The following KHDRBS2 variants were observed in gnomAD, a reference collection of about 807,000 sequenced individuals.
The protein encoded by KHDRBS2 is KH domain-containing, RNA-binding, signal transduction-associated protein 2.
KHDRBS2 carries 26 observed loss-of-function variants against 44.3 expected under a neutral mutation model. That is an observed-to-expected ratio of 0.59 (90% CI 0.43 to 0.81). The LOEUF is 0.81. Ranked by LOEUF, KHDRBS2 falls within the 40% of genes least tolerant of loss-of-function variation. The pLI, the probability that KHDRBS2 is intolerant of heterozygous loss-of-function variation, is 0.00. For synonymous variants in KHDRBS2, 194 were observed against 151.1 expected, an observed-to-expected ratio of 1.28 and a Z score of -2.08; for missense variants, 476 against 433.1, an observed-to-expected ratio of 1.10 and a Z score of -0.88.
chr6:62,022,142 C>T (rs1202995351), intron 3 of KHDRBS2, among the ~76,000 whole-genome samples: 1 of 151,102 alleles, frequency 6.6e-6, no homozygotes, highest in African/African-American at 2.4e-5. Context: ...TAGATTATCC[C>T]TCGGGGTTGG....
chr6:62,220,196 A>G lies in KHDRBS2; in HGVS notation c.92-42884T>C, dbSNP rs542436721. Among the ~76,000 whole-genome samples the G allele has an allele frequency of 3.3e-5, 5 of 151,894 alleles. 1 individual carries two copies. In the South Asian group the frequency reaches 8.3e-4, roughly 25 times the overall value. ...TTCTATACAAAATGAAAATCTTTCAAAAATGAAGGTGAACTAAAGACCAAT... is the reference window on the plus strand; with the variant it reads ...TTCTATACAAAATGAAAATCTTTCAGAAATGAAGGTGAACTAAAGACCAAT... On this transcript the variant is annotated intron_variant, in intron 1 of 8. Transcript: ENST00000281156.
At chr6:61,710,476 T>C (rs762985550) in intron 7 of KHDRBS2, among the ~76,000 whole-genome samples, 7 of 151,696 alleles carry the variant, frequency 4.6e-5, no homozygotes, top group Non-Finnish European at 1.0e-4. Flanking sequence ...GTCCATTTTC[T>C]ATGTTTTAAT....
At chr6:61,859,289 T>C (rs1297803745) in intron 6 of KHDRBS2, among the ~76,000 whole-genome samples, 2 of 151,846 alleles carry the variant, frequency 1.3e-5, no homozygotes, top group Non-Finnish European at 2.9e-5. Context: ...AGGCTACATA[T>C]ACGCTTGGGG....
chr6:61,777,095 A>G (rs1317785501), intron 6 of KHDRBS2, among the ~76,000 whole-genome samples: 2 of 149,490 alleles, frequency 1.3e-5, no homozygotes, highest in Non-Finnish European at 3.0e-5. Context: ...CAATGAGAAC[A>G]CATGGACACA....
chr6:62,165,946 T>G (rs756886817), intron 2 of KHDRBS2, among the ~76,000 whole-genome samples: 2 of 151,986 alleles, frequency 1.3e-5, no homozygotes, highest in Admixed American at 6.6e-5. Context: ...TCGGTACCCA[T>G]TAATGAACAA....
chr6:62,090,502 G>T (rs1799293080), intron 2 of KHDRBS2, among the ~76,000 whole-genome samples: 1 of 151,660 alleles, frequency 6.6e-6, no homozygotes, highest in Admixed American at 6.6e-5. Flanking sequence ...GGCTATATCT[G>T]TTAATACCAA....
At chr6:61,702,200 CCTT>C (rs1247624889) in intron 7 of KHDRBS2, among the ~76,000 whole-genome samples, 1 of 151,880 alleles carries the variant, frequency 6.6e-6, no homozygotes, top group Non-Finnish European at 1.5e-5. Flanking sequence ...TTTCTAGTCT[CCTT>C]TACCTTTGAG....
chr6:62,009,538 T>C (rs1779892217), intron 3 of KHDRBS2, among the ~76,000 whole-genome samples: 1 of 151,856 alleles, frequency 6.6e-6, no homozygotes, highest in East Asian at 1.9e-4. Context: ...ATGAGGAAAA[T>C]GTCTCCAGGG....
chr6:61,628,963 A>G, the KHDRBS2 span, among the ~76,000 whole-genome samples: 2 of 152,312 alleles, frequency 1.3e-5, no homozygotes, highest in Non-Finnish European at 2.9e-5. Flanking sequence ...TCTAATTAGT[A>G]CAGTCAAGTC....
At chr6:62,242,721 A>G (rs774718564) in intron 1 of KHDRBS2, among the ~76,000 whole-genome samples, 10 of 152,166 alleles carry the variant, frequency 6.6e-5, no homozygotes, top group Non-Finnish European at 1.2e-4. Context: ...AAAGAAAAAT[A>G]TATTTCCCTT....
chr6:61,797,379 A>T (rs1356643159), intron 6 of KHDRBS2, among the ~76,000 whole-genome samples: 1 of 152,168 alleles, frequency 6.6e-6, no homozygotes, highest in Admixed American at 6.6e-5. Context: ...CCATCTTTAC[A>T]CCAAAGATCA....
chr6:61,758,703 T>C (rs1238669717), intron 6 of KHDRBS2, among the ~76,000 whole-genome samples: 1 of 152,150 alleles, frequency 6.6e-6, no homozygotes, highest in Non-Finnish European at 1.5e-5. Context: ...ACTCATGCTG[T>C]ATGATTTTAA....
chr6:62,017,467 GA>G (rs903618667), intron 3 of KHDRBS2, among the ~76,000 whole-genome samples: 1 of 151,830 alleles, frequency 6.6e-6, no homozygotes, highest in Non-Finnish European at 1.5e-5. Context: ...TGTTATATGA[GA>G]AAAAAATAAT....
intron 3 of KHDRBS2, among the ~76,000 whole-genome samples, chr6:62,009,894 T>C (rs1779976002): frequency 6.6e-6 from 1 of 152,178 alleles, no homozygotes; most frequent in Admixed American, 6.5e-5. Context: ...AGGGTCCTCA[T>C]GTAGAAGCTC....
At chr6:61,763,964 C>T (rs1779632381) in intron 6 of KHDRBS2, among the ~76,000 whole-genome samples, 1 of 152,094 alleles carries the variant, frequency 6.6e-6, no homozygotes, top group East Asian at 1.9e-4. Context: ...GCTGTTTATC[C>T]TGATGCTTTC....
the KHDRBS2 span, among the ~76,000 whole-genome samples, chr6:61,654,780 A>G: frequency 1.6e-4 from 25 of 151,668 alleles, no homozygotes; most frequent in South Asian, 5.0e-3. Flanking sequence ...TTCTATAAAT[A>G]ACACAGGAGC....
intron 2 of KHDRBS2, among the ~76,000 whole-genome samples, chr6:62,131,973 T>C (rs1260977117): frequency 6.6e-6 from 1 of 152,186 alleles, no homozygotes; most frequent in Non-Finnish European, 1.5e-5. Flanking sequence ...GAAGTAGACA[T>C]TCTGGATAGA....
intron 6 of KHDRBS2, among the ~76,000 whole-genome samples, chr6:61,885,326 G>A (rs1296727847): frequency 6.6e-6 from 1 of 152,118 alleles, no homozygotes; most frequent in East Asian, 1.9e-4. Flanking sequence ...ATAGCCATTG[G>A]CATTGTTCTG....
chr6:61,593,040 G>A, the KHDRBS2 span, among the ~76,000 whole-genome samples: 1 of 152,144 alleles, frequency 6.6e-6, no homozygotes, highest in Non-Finnish European at 1.5e-5. Context: ...AGAAAAAAAG[G>A]TTAATGTCTG....
Sources: allele counts gnomAD v4.1 joint callset (sites outside exome capture counted in the v4.1 genomes callset), GRCh38; gene constraint gnomAD v4.1.1; transcripts MANE v1.5; gene names NCBI Gene and HGNC (gene_info 2026-07-23, HGNC 2026-07-21).